The following DNER variants were observed in gnomAD, a reference collection of about 807,000 sequenced individuals.
DNER encodes the protein delta and Notch-like epidermal growth factor-related receptor.
DNER carries 33 observed loss-of-function variants against 78.2 expected under a neutral mutation model. The observed-to-expected ratio is 0.42, with a 90% CI of 0.32 to 0.56. DNER has a LOEUF of 0.56. DNER is among the 20% of genes least tolerant of loss of function. DNER has a pLI of 0.11. For missense variants in DNER, 918 were observed against 975.3 expected (o/e 0.94, Z 0.78); for synonymous variants, 417 against 384.8 (o/e 1.08, Z -0.98).
chr2:229,466,744 A>G (rs530789933), intron 7 of DNER, among the ~76,000 whole-genome samples: 1 of 152,372 alleles, frequency 6.6e-6, no homozygotes, highest in Non-Finnish European at 1.5e-5. Context: ...GATAGAAGCA[A>G]TCATTAATAA....
chr2:229,652,833 A>T (rs1315630610), intron 1 of DNER, among the ~76,000 whole-genome samples: 2 of 152,196 alleles, frequency 1.3e-5, no homozygotes, highest in African/African-American at 4.8e-5. Flanking sequence ...TTGGTTACAA[A>T]GGCTATTGTT....
At chr2:229,372,039 T>C (rs373037337) in intron 11 of DNER, among the ~76,000 whole-genome samples, 1 of 152,188 alleles carries the variant, frequency 6.6e-6, no homozygotes, top group East Asian at 1.9e-4. Context: ...TGTTAATCTC[T>C]GGAAGAGGAA....
At chr2:229,678,777 A>G (rs1699338863) in intron 1 of DNER, among the ~76,000 whole-genome samples, 1 of 152,242 alleles carries the variant, frequency 6.6e-6, no homozygotes, top group African/African-American at 2.4e-5. Flanking sequence ...ATACCGTCAC[A>G]TGACTTTCCT....
At chr2:229,620,337 T>A (rs779056057) in intron 1 of DNER, among the ~76,000 whole-genome samples, 6 of 152,270 alleles carry the variant, frequency 3.9e-5, no homozygotes, top group Non-Finnish European at 8.8e-5. Context: ...TTTTTTCATG[T>A]ATCTTTTTGG....
chr2:229,585,131 C>T (rs575626375), intron 4 of DNER, among the ~76,000 whole-genome samples: 11 of 152,226 alleles, frequency 7.2e-5, no homozygotes, highest in South Asian at 4.1e-4. Context: ...TGTGTTTGAA[C>T]GCCCTAAGTC....
At chr2:229,672,813 G>T (rs575769870) in intron 1 of DNER, among the ~76,000 whole-genome samples, 2 of 152,152 alleles carry the variant, frequency 1.3e-5, no homozygotes, top group African/African-American at 4.8e-5. Context: ...TAAGGGAAGA[G>T]GAAATAGATT....
chr2:229,541,748 T>C (rs1407385319), intron 5 of DNER, among the ~76,000 whole-genome samples: 1 of 151,904 alleles, frequency 6.6e-6, no homozygotes, highest in Non-Finnish European at 1.5e-5. Flanking sequence ...ACTGCAACTC[T>C]TTCCTGAGTC....
intron 1 of DNER, among the ~76,000 whole-genome samples, chr2:229,628,973 C>G (rs1022233021): frequency 2.6e-5 from 4 of 152,176 alleles, no homozygotes; most frequent in African/African-American, 9.7e-5. Context: ...ACCCCCTCAC[C>G]CTGCTCCTTC....
chr2:229,396,971 T>C (rs773538438), intron 10 of DNER, among the ~76,000 whole-genome samples: 3 of 152,152 alleles, frequency 2.0e-5, no homozygotes, highest in Non-Finnish European at 4.4e-5. Flanking sequence ...TAGGTATTAT[T>C]ACCTTCCTCA....
intron 7 of DNER, among the ~76,000 whole-genome samples, chr2:229,455,790 G>A (rs1287162267): frequency 6.6e-6 from 1 of 152,068 alleles, no homozygotes; most frequent in Non-Finnish European, 1.5e-5. Context: ...TGTTCCAAGG[G>A]TTTTAAATAT....
chr2:229,417,060 T>C (rs960020331), intron 9 of DNER, among the ~76,000 whole-genome samples: 1 of 152,162 alleles, frequency 6.6e-6, no homozygotes, highest in Non-Finnish European at 1.5e-5. Context: ...TAGATGTTAG[T>C]GGAGTTTGGT....
At chr2:229,678,925 G>A (rs1319885400) in intron 1 of DNER, among the ~76,000 whole-genome samples, 2 of 152,164 alleles carry the variant, frequency 1.3e-5, no homozygotes, top group African/African-American at 2.4e-5. Flanking sequence ...CAAAGCAGGA[G>A]ATCTCACTAC....
chr2:229,443,718 AAAG>A (rs1357753855), intron 8 of DNER, among the ~76,000 whole-genome samples: 4 of 152,214 alleles, frequency 2.6e-5, no homozygotes, highest in Non-Finnish European at 4.4e-5. Flanking sequence ...TGCTCTCTGT[AAAG>A]AAGATCAGCC....
intron 6 of DNER, among the ~76,000 whole-genome samples, chr2:229,510,528 G>A (rs936089475): frequency 2.7e-4 from 41 of 152,222 alleles, no homozygotes; most frequent in African/African-American, 9.9e-4. Context: ...GAGGATTTGA[G>A]AATTCTCTAG....
Position 229,615,272 on chromosome 2 carries a change from G to A in DNER, c.277-23384C>T, listed in dbSNP as rs559949786. Among the ~76,000 whole-genome samples the A allele has an allele frequency of 3.3e-3, 508 of 152,038 alleles. 2 individuals carry two copies. The highest frequency in any genetic ancestry group is 5.1e-3 in the Non-Finnish European group (348 of 67,980). ...ACTAAAAATACAAAATTAGCCAGGC[G>A]TGGTGGCACATGCCTGTAATCCCAG... is the stretch of plus-strand genomic sequence containing the variant. On this transcript the variant is annotated intron_variant, in intron 1 of 12. Transcript: ENST00000341772.
chr2:229,614,863 C>A (rs954103643), intron 1 of DNER, among the ~76,000 whole-genome samples: 4 of 152,162 alleles, frequency 2.6e-5, no homozygotes, highest in Non-Finnish European at 5.9e-5. Context: ...TTAATATTTA[C>A]CTCCCATTAA....
At chr2:229,517,491 G>A (rs1696003613) in intron 5 of DNER, among the ~76,000 whole-genome samples, 1 of 152,174 alleles carries the variant, frequency 6.6e-6, no homozygotes, top group African/African-American at 2.4e-5. Flanking sequence ...TGGCCATGGA[G>A]GCATCCGAGG....
chr2:229,465,588 T>A (rs772142412), intron 7 of DNER, among the ~76,000 whole-genome samples: 295 of 150,894 alleles, frequency 2.0e-3, no homozygotes, highest in Non-Finnish European at 3.5e-3. Flanking sequence ...AAATAACATT[T>A]AAAAAAAAAT....
chr2:229,699,042 G>T lies in DNER; in HGVS notation c.276+15106C>A, dbSNP rs528231697. Among the ~76,000 whole-genome samples the T allele has an allele frequency of 3.9e-5, 6 of 152,318 alleles. No homozygotes were observed. In the East Asian group the frequency reaches 9.6e-4, roughly 24 times the overall value. On this transcript the variant is annotated intron_variant, in intron 1 of 12. Transcript: ENST00000341772. ...GAAATTTGCATTTTGCTGAATATTA[G>T]TGCAAGCCTTTCTGCCCAAGCCTGG...
Sources: allele counts gnomAD v4.1 joint callset (sites outside exome capture counted in the v4.1 genomes callset), GRCh38; gene constraint gnomAD v4.1.1; transcripts MANE v1.5; gene names NCBI Gene and HGNC (gene_info 2026-07-23, HGNC 2026-07-21).